Variants in NAV2 observed in about 807,000 individuals in gnomAD.
The protein encoded by NAV2 is neuron navigator 2.
In NAV2, 54 loss-of-function variants were observed where a neutral mutation model predicts 223.2. The ratio of observed to expected loss-of-function variants is 0.24; its 90% CI spans 0.19 to 0.30. The LOEUF (loss-of-function observed/expected upper bound fraction) is 0.30. Ranked by LOEUF, NAV2 falls within the 10% of genes least tolerant of loss-of-function variation. The pLI, the probability that NAV2 is intolerant of heterozygous loss-of-function variation, is 1.00. For missense variants in NAV2, 2,806 were observed against 3,147.5 expected (o/e 0.89, Z 2.60); for synonymous variants, 1,279 against 1,239.3 (o/e 1.03, Z -0.67).
chr11:19,768,927 T>G (rs1415979932), intron 1 of NAV2, among the ~76,000 whole-genome samples: 1 of 152,200 alleles, frequency 6.6e-6, no homozygotes, highest in Non-Finnish European at 1.5e-5. Context: ...CCACTTGTCT[T>G]GAGAACCTAT....
Position 20,081,790 on chromosome 11 carries a change from C to T in NAV2, c.5326-1217C>T, listed in dbSNP as rs143728526. 1.8e-3 allele frequency among the ~76,000 whole-genome samples: 278 copies of T among 152,150 alleles called. 2 individuals are homozygous for T. Among genetic ancestry groups the T allele is most frequent in the African/African-American group, 5.2e-3 (217 of 41,486 alleles). ...TCAGTGGCTAAGAAAACCCCTGGAA[C>T]GTATTTTCACAAGGAAAAAAGACTT... On this transcript the variant is annotated intron_variant, in intron 25 of 37. Transcript: ENST00000349880.
intron 7 of NAV2, among the ~76,000 whole-genome samples, chr11:19,936,636 C>CATT (rs2045932275): frequency 6.6e-6 from 1 of 152,212 alleles, no homozygotes; most frequent in African/African-American, 2.4e-5. Flanking sequence ...CACCTGGGCC[C>CATT]TGTCCTTTAT....
intron 3 of NAV2, among the ~76,000 whole-genome samples, chr11:19,859,165 T>C (rs2061548838): frequency 7.4e-6 from 1 of 134,614 alleles, no homozygotes; most frequent in African/African-American, 2.8e-5. Context: ...TTTTTATTGA[T>C]CATTCTTGGG....
upstream of NAV2, chr11:19,712,605 G>A (rs1225779082): frequency 6.6e-6 from 1 of 152,200 alleles, no homozygotes; most frequent in Non-Finnish European, 1.5e-5. Flanking sequence ...AGGAACGCAG[G>A]GGTGTGGGCC....
chr11:19,834,778 A>C (rs183020417), intron 2 of NAV2, among the ~76,000 whole-genome samples: 24 of 152,352 alleles, frequency 1.6e-4, no homozygotes, highest in Non-Finnish European at 2.8e-4. Flanking sequence ...TATTCATTCC[A>C]GCTCCATCCC....
chr11:19,826,907 C>T (rs145446336), intron 1 of NAV2, among the ~76,000 whole-genome samples: 73 of 152,342 alleles, frequency 4.8e-4, no homozygotes, highest in Middle Eastern at 3.4e-3. Context: ...CAGCCTCCTG[C>T]GGTGGGCCAG....
chr11:19,624,142 G>A (rs540551846), intron 1 of NAV2, among the ~76,000 whole-genome samples: 2 of 152,270 alleles, frequency 1.3e-5, no homozygotes, highest in South Asian at 2.1e-4. Flanking sequence ...TCATCTCAGA[G>A]GGGCACCTGG....
rs894606989 is a variant in NAV2, at chr11:19,787,272, T to A, written c.268-45212T>A. Among the ~76,000 whole-genome samples, 147 of 64,252 alleles carry A rather than the reference T, an allele frequency of 2.3e-3. 15 individuals are homozygous for A. Among genetic ancestry groups the A allele is most frequent in the East Asian group, 0.017 (9 of 532 alleles). 42.2% of individuals were successfully genotyped at this position (64,252 alleles called of 152,430 possible). On this transcript the variant is annotated intron_variant, in intron 1 of 37. Coordinates refer to ENST00000349880, the MANE Select transcript of NAV2 (RefSeq NM_145117.5). ...TGCCTGGCTAATTTTTATTGGATCT[T>A]TTTTTTTTTTTTTTTTTTTTTTTTT...
upstream of NAV2, among the ~76,000 whole-genome samples, chr11:19,346,210 A>G (rs1356279764): frequency 6.6e-6 from 1 of 151,822 alleles, no homozygotes; most frequent in South Asian, 2.1e-4. Context: ...ATCTGTGTAT[A>G]TGGATGTGCG....
chr11:19,961,571 G>A (rs2048352988), intron 10 of NAV2, among the ~76,000 whole-genome samples: 1 of 152,186 alleles, frequency 6.6e-6, no homozygotes, highest in East Asian at 1.9e-4. Flanking sequence ...AATGTACAAT[G>A]GAAATGGAAG....
chr11:19,499,999 C>G (rs1304649584), intron 1 of NAV2, among the ~76,000 whole-genome samples: 1 of 152,034 alleles, frequency 6.6e-6, no homozygotes, highest in African/African-American at 2.4e-5. Context: ...CAACCACACA[C>G]ACACACATCC....
In NAV2 at chr11:19,618,456, G is replaced by A. The variant is rs1337784879; in HGVS notation, c.76-214028G>A. On this transcript the variant is annotated intron_variant, in intron 1 of 37. Coordinates refer to the NAV2 transcript ENST00000360655. ...TGGATGGACGGATGGGTGGATGGAT[G>A]GATGGGTAGCTGAATGGCTATATGG... Among the ~76,000 whole-genome samples, 4 of 150,436 alleles carry A rather than the reference G, an allele frequency of 2.7e-5. 1 individual carries two copies. The highest frequency in any genetic ancestry group is 5.9e-5 in the Non-Finnish European group (4 of 67,706).
intron 14 of NAV2, among the ~76,000 whole-genome samples, chr11:20,046,074 G>T (rs545189100): frequency 7.2e-5 from 11 of 152,296 alleles, no homozygotes; most frequent in Non-Finnish European, 1.5e-4. Context: ...CGTGGCTCAC[G>T]CCTGTAATCC....
intron 10 of NAV2, among the ~76,000 whole-genome samples, chr11:19,960,040 G>A (rs1288293770): frequency 6.6e-6 from 1 of 152,150 alleles, no homozygotes; most frequent in Non-Finnish European, 1.5e-5. Flanking sequence ...CAACATGACC[G>A]AGACTCTGCA....
intron 1 of NAV2, among the ~76,000 whole-genome samples, chr11:19,447,543 G>A (rs186020447): frequency 2.0e-3 from 311 of 152,320 alleles, no homozygotes; most frequent in African/African-American, 6.7e-3. Flanking sequence ...GGGGGAAGGC[G>A]AGACGATGCA....
upstream of NAV2, among the ~76,000 whole-genome samples, chr11:19,347,333 C>T (rs1211648216): frequency 6.6e-6 from 1 of 152,194 alleles, no homozygotes; most frequent in Non-Finnish European, 1.5e-5. Context: ...AAGGATGCCT[C>T]TACCTCTAAG....
chr11:19,588,517 A>T (rs1340795494), intron 1 of NAV2, among the ~76,000 whole-genome samples: 1 of 152,164 alleles, frequency 6.6e-6, no homozygotes, highest in Non-Finnish European at 1.5e-5. Flanking sequence ...GAAAAGGAAG[A>T]TGATAAACAA....
chr11:19,374,814 C>T (rs1438886223), intron 1 of NAV2, among the ~76,000 whole-genome samples: 1 of 152,144 alleles, frequency 6.6e-6, no homozygotes, highest in Non-Finnish European at 1.5e-5. Context: ...AATTTGACTC[C>T]CATTGTATTA....
At chr11:20,099,310 C>T (rs1056248738) in intron 31 of NAV2, among the ~76,000 whole-genome samples, 11 of 152,068 alleles carry the variant, frequency 7.2e-5, no homozygotes, top group Admixed American at 7.2e-4. Flanking sequence ...TAAGGAGAGC[C>T]TTTTATGTCC....
Sources: gnomAD v4.1 joint callset for allele counts (sites outside exome capture counted in the v4.1 genomes callset) on GRCh38, gnomAD v4.1.1 for gene constraint, MANE v1.5 for transcripts, NCBI Gene and HGNC (gene_info 2026-07-23, HGNC 2026-07-21) for gene names.